Variants in KCNIP1 observed in about 807,000 individuals in gnomAD.
The protein encoded by KCNIP1 is potassium voltage-gated channel interacting protein 1.
In KCNIP1, 18 loss-of-function variants were observed where a neutral mutation model predicts 33.0. The observed-to-expected ratio is 0.55, with a 90% CI of 0.38 to 0.81. The LOEUF is 0.81. Among genes scored for constraint, KCNIP1 ranks in the 30% least tolerant of loss-of-function variants. KCNIP1 has a pLI of 0.00. For synonymous variants in KCNIP1, 93 were observed against 98.3 expected (o/e 0.95, Z 0.32); for missense variants, 238 against 271.6 (o/e 0.88, Z 0.87).
chr5:170,418,538 G>A (rs1755393583), intron 1 of KCNIP1, among the ~76,000 whole-genome samples: 2 of 152,170 alleles, frequency 1.3e-5, no homozygotes, highest in African/African-American at 4.8e-5. Context: ...TCTGTTATGT[G>A]TGACTTCTGG....
chr5:170,597,820 T>TC (rs1554103531), intron 1 of KCNIP1, among the ~76,000 whole-genome samples: 1 of 56,360 alleles, frequency 1.8e-5, no homozygotes, highest in African/African-American at 5.7e-5. Flanking sequence ...TATATATATA[T>TC]ATATATATAT....
At chr5:170,401,584 T>G (rs1031119684) in intron 1 of KCNIP1, among the ~76,000 whole-genome samples, 34 of 152,170 alleles carry the variant, frequency 2.2e-4, no homozygotes, top group African/African-American at 7.7e-4. Flanking sequence ...GGCAACATAG[T>G]GAGACCCCAT....
intron 1 of KCNIP1, among the ~76,000 whole-genome samples, chr5:170,511,195 C>T (rs368828352): frequency 2.6e-5 from 4 of 152,082 alleles, no homozygotes; most frequent in East Asian, 3.9e-4. Flanking sequence ...GATGACAGAG[C>T]GAGACTCCGT....
At chr5:170,735,199 G>T (rs193216520) in intron 7 of KCNIP1, among the ~76,000 whole-genome samples, 1 of 152,164 alleles carries the variant, frequency 6.6e-6, no homozygotes, top group Non-Finnish European at 1.5e-5. Flanking sequence ...CTTACTGTAT[G>T]TCTCTATTGC....
chr5:170,568,272 G>A (rs189244404), intron 1 of KCNIP1, among the ~76,000 whole-genome samples: 1 of 152,170 alleles, frequency 6.6e-6, no homozygotes, highest in African/African-American at 2.4e-5. Context: ...CATTTCCTGG[G>A]CATGTAGTAT....
At chr5:170,406,799 C>T (rs1755049932) in intron 1 of KCNIP1, among the ~76,000 whole-genome samples, 1 of 152,206 alleles carries the variant, frequency 6.6e-6, no homozygotes, top group South Asian at 2.1e-4. Flanking sequence ...GCTTGGAGAA[C>T]CCCAGGCCTT....
At position 170,504,247 on chromosome 5, in the gene KCNIP1, G is replaced by C. The variant is rs1284198080; in HGVS notation, c.-326G>C. 1 of 1,109,112 alleles carries C rather than the reference G, an allele frequency of 9.0e-7. No homozygotes were observed. The highest frequency in any genetic ancestry group is 5.2e-5 in the East Asian group (1 of 19,290). The allele number at this position is 1,109,112 out of a possible 1,614,324, so 68.7% of individuals were successfully genotyped here. A position where few individuals can be genotyped will look rare whatever the true frequency, so the allele number is the denominator to read the frequency against. On this transcript the variant is annotated 5_prime_UTR_variant, in exon 1 of 8. Coordinates refer to ENST00000328939, the MANE Select transcript of KCNIP1 (RefSeq NM_014592.4). The surrounding 1 kb of genome is among the most constrained non-coding windows in gnomAD (Gnocchi z 6.0). ...GCAGCCTCGGCCGGGCGGCCGCTCT[G>C]GCCCCGTGTCCAGTGCCAGGCAGGC...
intron 1 of KCNIP1, chr5:170,422,594 ATTGCCCCGTTAATAGGCAAAAATTG>A (rs1487534488): frequency 6.6e-6 from 1 of 152,194 alleles, no homozygotes; most frequent in Non-Finnish European, 1.5e-5. Flanking sequence ...ATGGTTAAAG[ATTGCCCCGTTAATAGGCAAAAATTG>A]TTGCCTTAAA....
intron 1 of KCNIP1, among the ~76,000 whole-genome samples, chr5:170,589,794 T>TGCGGTGCGGTGTG (rs1554103000): frequency 4.4e-5 from 5 of 113,164 alleles, no homozygotes; most frequent in Non-Finnish European, 9.7e-5. Flanking sequence ...TGTGATGTGG[T>TGCGGTGCGGTGTG]GTGCGGTGCG....
At chr5:170,357,226 G>A (rs1763372726) in intron 1 of KCNIP1, among the ~76,000 whole-genome samples, 1 of 152,102 alleles carries the variant, frequency 6.6e-6, no homozygotes, top group Non-Finnish European at 1.5e-5. Flanking sequence ...TGGCTCGGAA[G>A]CCTCGGACTG....
At position 170,579,300 on chromosome 5, in the gene KCNIP1, A is replaced by AT. The variant is rs1461783096; in HGVS notation, c.61+74670dup. Among the ~76,000 whole-genome samples the AT allele has an allele frequency of 2.6e-5, 4 of 152,330 alleles. No homozygotes were observed. In the East Asian group the frequency reaches 7.7e-4, roughly 29 times the overall value. On this transcript the variant is annotated intron_variant, in intron 1 of 7. Coordinates refer to ENST00000328939, the MANE Select transcript of KCNIP1 (RefSeq NM_014592.4). ...CTGTTGAGCTGGTTTAGAATATAGC[A>AT]TTTAGGGCCTTGCCTCCAGATAGTC...
At chr5:170,727,111 T>C (rs1764037095) in intron 5 of KCNIP1, among the ~76,000 whole-genome samples, 2 of 152,242 alleles carry the variant, frequency 1.3e-5, no homozygotes, top group Non-Finnish European at 1.5e-5. Context: ...CAATGGAATA[T>C]TACTCAGCAG....
chr5:170,507,850 C>G (rs1251344577), intron 1 of KCNIP1, among the ~76,000 whole-genome samples: 1 of 152,180 alleles, frequency 6.6e-6, no homozygotes, highest in Non-Finnish European at 1.5e-5. Flanking sequence ...CTGTCCTTCT[C>G]TCTGTTTGGG....
chr5:170,539,839 TA>T (rs1291219598), intron 1 of KCNIP1, among the ~76,000 whole-genome samples: 1 of 152,078 alleles, frequency 6.6e-6, no homozygotes, highest in Non-Finnish European at 1.5e-5. Flanking sequence ...GTTCTTTGGT[TA>T]TGGCCCAAAA....
intron 1 of KCNIP1, among the ~76,000 whole-genome samples, chr5:170,623,263 G>A (rs1274831802): frequency 1.3e-5 from 2 of 151,554 alleles, no homozygotes; most frequent in East Asian, 3.9e-4. Context: ...GCCCAGGCTG[G>A]AGTGCAATGG....
At chr5:170,697,045 C>G (rs1303678160) in intron 1 of KCNIP1, among the ~76,000 whole-genome samples, 2 of 151,942 alleles carry the variant, frequency 1.3e-5, no homozygotes, top group East Asian at 3.9e-4. Context: ...TCCTCCTCCT[C>G]CATCTCCTCC....
chr5:170,360,721 G>A (rs1763486115), intron 1 of KCNIP1, among the ~76,000 whole-genome samples: 1 of 152,194 alleles, frequency 6.6e-6, no homozygotes, highest in Non-Finnish European at 1.5e-5. Context: ...AGTTGTTCAT[G>A]GGAGAATTGG....
intron 1 of KCNIP1, among the ~76,000 whole-genome samples, chr5:170,413,066 A>C (rs1321140652): frequency 1.3e-5 from 2 of 152,370 alleles, no homozygotes; most frequent in African/African-American, 4.8e-5. Context: ...GTAAGTGCTC[A>C]GTGAAGATCT....
At chr5:170,462,358 G>A (rs1427409072) in intron 1 of KCNIP1, among the ~76,000 whole-genome samples, 1 of 150,898 alleles carries the variant, frequency 6.6e-6, no homozygotes, top group Non-Finnish European at 1.5e-5. Flanking sequence ...TATACAAATG[G>A]CCAAGAAAAA....
Sources: allele counts gnomAD v4.1 joint callset (sites outside exome capture counted in the v4.1 genomes callset), GRCh38; gene constraint gnomAD v4.1.1; non-coding constraint Gnocchi (gnomAD v3.1); transcripts MANE v1.5; gene names NCBI Gene and HGNC (gene_info 2026-07-23, HGNC 2026-07-21).